GRM5: variants seen among roughly 807,000 people sequenced by gnomAD.
GRM5 encodes the protein metabotropic glutamate receptor 5.
In GRM5, 19 loss-of-function variants were observed where a neutral mutation model predicts 83.1. That is an observed-to-expected ratio of 0.23 (90% CI 0.16 to 0.34). GRM5 has a LOEUF of 0.34. GRM5 is among the 10% of genes least tolerant of loss of function. The pLI is 1.00. For synonymous variants in GRM5, 675 were observed against 633.6 expected (o/e 1.07, Z -0.98); for missense variants, 1,160 against 1,588.3 (o/e 0.73, Z 4.58).
chr11:88,858,822 A>G (rs1944516301), intron 2 of GRM5, among the ~76,000 whole-genome samples: 1 of 152,074 alleles, frequency 6.6e-6, no homozygotes. Flanking sequence ...GCCAAGTAGG[A>G]AATTAAATAA....
chr11:88,571,020 T>G (rs781376045), intron 7 of GRM5, among the ~76,000 whole-genome samples: 14 of 152,170 alleles, frequency 9.2e-5, no homozygotes, highest in Middle Eastern at 3.2e-3. Context: ...TGTTTGTATA[T>G]AGGGCAGGAA....
intron 2 of GRM5, among the ~76,000 whole-genome samples, chr11:89,018,900 C>T (rs1940918955): frequency 6.6e-6 from 1 of 152,142 alleles, no homozygotes; most frequent in South Asian, 2.1e-4. Flanking sequence ...CTGCTAACAT[C>T]TTGCTTTAAT....
At chr11:88,823,546 ACTGTGT>A (rs1477160903) in intron 3 of GRM5, among the ~76,000 whole-genome samples, 12 of 151,164 alleles carry the variant, frequency 7.9e-5, no homozygotes, top group African/African-American at 2.7e-4. Context: ...AAGACTAGAG[ACTGTGT>A]CTGTGAGTGG....
intron 1 of GRM5, among the ~76,000 whole-genome samples, chr11:89,050,058 C>T (rs1941726418): frequency 6.6e-6 from 1 of 152,118 alleles, no homozygotes; most frequent in Non-Finnish European, 1.5e-5. Flanking sequence ...GACCTGGTGT[C>T]CTGTCAGGCT....
intron 2 of GRM5, among the ~76,000 whole-genome samples, chr11:89,044,114 G>A (rs968664398): frequency 1.3e-5 from 2 of 152,136 alleles, no homozygotes. Context: ...ATGTATCAAG[G>A]TTTGCAAAAG....
At chr11:88,728,965 G>A (rs1012008164) in intron 3 of GRM5, among the ~76,000 whole-genome samples, 5 of 152,112 alleles carry the variant, frequency 3.3e-5, no homozygotes, top group Admixed American at 2.0e-4. Flanking sequence ...ACCAGTACAA[G>A]ACAAGGATGC....
At chr11:88,523,323 CT>C (rs1036289794) in intron 9 of GRM5, among the ~76,000 whole-genome samples, 1 of 152,158 alleles carries the variant, frequency 6.6e-6, no homozygotes. Flanking sequence ...GGTTTGGGAA[CT>C]CCAGTTTTAG....
At chr11:88,584,692 A>G (rs945693863) in intron 7 of GRM5, among the ~76,000 whole-genome samples, 3 of 151,992 alleles carry the variant, frequency 2.0e-5, no homozygotes, top group Admixed American at 6.6e-5. Context: ...AATCCACCCA[A>G]TGTAGCCTCC....
In GRM5 at chr11:88,769,762, G is replaced by A. The variant is rs185330320; in HGVS notation, c.911+80144C>T. 5.3e-5 allele frequency among the ~76,000 whole-genome samples: 8 copies of A among 152,054 alleles called. No individual in the cohort carries two copies. The East Asian group carries it at 1.2e-3, about 22-fold the overall frequency. Reference sequence around the variant, plus strand: ...TCCAGACTGATGTGAATAAAAAATCGAATAAATTAATAAGTGGAGGACAAT... The same window carrying A: ...TCCAGACTGATGTGAATAAAAAATCAAATAAATTAATAAGTGGAGGACAAT... On this transcript the variant is annotated intron_variant, in intron 3 of 9. Coordinates refer to ENST00000305447, the MANE Select transcript of GRM5 (RefSeq NM_001143831.3).
intron 8 of GRM5, among the ~76,000 whole-genome samples, chr11:88,559,427 T>C (rs1436375921): frequency 6.6e-6 from 1 of 152,202 alleles, no homozygotes; most frequent in African/African-American, 2.4e-5. Flanking sequence ...ATCCTTCCTC[T>C]TCTACTTACT....
intron 2 of GRM5, among the ~76,000 whole-genome samples, chr11:89,027,343 C>T (rs911599924): frequency 6.6e-6 from 1 of 152,120 alleles, no homozygotes; most frequent in African/African-American, 2.4e-5. Flanking sequence ...ATCCACACTC[C>T]TCAGACTCCC....
At chr11:88,700,866 G>A (rs574606251) in intron 3 of GRM5, among the ~76,000 whole-genome samples, 4 of 152,268 alleles carry the variant, frequency 2.6e-5, no homozygotes, top group South Asian at 2.1e-4. Context: ...TGCCCTGCAC[G>A]GATGGGGTGC....
intron 2 of GRM5, among the ~76,000 whole-genome samples, chr11:88,982,228 A>T (rs1173142086): frequency 6.6e-6 from 1 of 152,246 alleles, no homozygotes; most frequent in Non-Finnish European, 1.5e-5. Context: ...AGAAAGAATT[A>T]AAAACATTCA....
intron 1 of GRM5, among the ~76,000 whole-genome samples, chr11:89,059,546 T>A (rs576997750): frequency 6.6e-6 from 1 of 151,072 alleles, no homozygotes; most frequent in South Asian, 2.1e-4. Flanking sequence ...ACCGGCTTTG[T>A]CACCTTTGTT....
chr11:88,617,596 C>G (rs1423053990), intron 4 of GRM5, among the ~76,000 whole-genome samples: 1 of 152,102 alleles, frequency 6.6e-6, no homozygotes, highest in African/African-American at 2.4e-5. Flanking sequence ...TCTAGCTAAG[C>G]CCCCAGGTAA....
chr11:88,976,975 A>G (rs1939361603), intron 2 of GRM5, among the ~76,000 whole-genome samples: 2 of 151,900 alleles, frequency 1.3e-5, no homozygotes, highest in Non-Finnish European at 2.9e-5. Flanking sequence ...ACTAGTCAAT[A>G]TTGAGGGAGA....
chr11:88,750,935 C>T (rs1324528577), intron 3 of GRM5, among the ~76,000 whole-genome samples: 3 of 151,828 alleles, frequency 2.0e-5, no homozygotes, highest in African/African-American at 7.3e-5. Context: ...AAATTTATAG[C>T]ACTCAATGCC....
intron 4 of GRM5, among the ~76,000 whole-genome samples, chr11:88,646,086 T>A (rs1046435758): frequency 6.6e-6 from 1 of 152,052 alleles, no homozygotes; most frequent in South Asian, 2.1e-4. Flanking sequence ...TTTGTTGTCT[T>A]AAGTGACACT....
chr11:88,530,841 T>C (rs1941990350), intron 8 of GRM5, among the ~76,000 whole-genome samples: 1 of 151,990 alleles, frequency 6.6e-6, no homozygotes, highest in Admixed American at 6.6e-5. Flanking sequence ...GATTTTGATA[T>C]TGGAAATAAT....
Sources: gnomAD v4.1 joint callset for allele counts (sites outside exome capture counted in the v4.1 genomes callset) on GRCh38, gnomAD v4.1.1 for gene constraint, MANE v1.5 for transcripts, NCBI Gene and HGNC (gene_info 2026-07-23, HGNC 2026-07-21) for gene names.